Variants in DUOX1 observed in about 807,000 individuals in gnomAD.
The protein encoded by DUOX1 is dual oxidase 1.
DUOX1 carries 134 observed loss-of-function variants against 181.8 expected under a neutral mutation model. The ratio of observed to expected loss-of-function variants is 0.74; its 90% CI spans 0.64 to 0.85. The LOEUF (loss-of-function observed/expected upper bound fraction) is 0.85, where lower values mean the gene tolerates loss of function less well. DUOX1 is among the 40% of genes least tolerant of loss of function. DUOX1 has a pLI of 0.00. For synonymous variants in DUOX1, 798 were observed against 832.5 expected (o/e 0.96, Z 0.71); for missense variants, 1,814 against 2,064.4 (o/e 0.88, Z 2.35).
intron 27 of DUOX1, 105 bp downstream of exon 27, chr15:45,154,105 C>T (rs1282538948): frequency 4.4e-5 from 47 of 1,077,600 alleles, no homozygotes; most frequent in East Asian, 1.7e-4. Flanking sequence ...TCAGCTCTTC[C>T]GGTGACCCAG....
intron 20 of DUOX1, 55 bp from the exon 21 acceptor site, chr15:45,148,217 T>C: frequency 6.2e-7 from 1 of 1,610,630 alleles, no homozygotes; most frequent in South Asian, 1.1e-5. Context: ...GTGTGTCCTG[T>C]GTCTGGGTCG....
Position 45,139,054 on chromosome 15 carries a change from C to A in DUOX1, c.1114-12C>A. On this transcript the variant is annotated splice_polypyrimidine_tract_variant and intron_variant, in intron 10 of 33. Coordinates refer to ENST00000389037, the MANE Select transcript of DUOX1 (RefSeq NM_175940.3). ...ACCACACCCCTTTCCTCCCCACCCC[C>A]AACCTATAAAGCACCCAAGCCTACA... 1.9e-6 allele frequency: 3 copies of A among 1,611,752 alleles called. No homozygotes were observed. The highest frequency in any genetic ancestry group is 1.1e-5 in the South Asian group (1 of 90,606).
intron 2 of DUOX1, 148 bp downstream of exon 2, chr15:45,132,172 C>G (rs1896175005): frequency 9.2e-6 from 6 of 652,946 alleles, no homozygotes; most frequent in Non-Finnish European, 1.5e-5. Context: ...TTGCTCATTT[C>G]TAGCTGTTGA....
chr15:45,147,646 G>T lies in DUOX1; in HGVS notation c.2536G>T (p.Val846Phe). The part of the protein sequence containing the change: ...SFREFLDILV[V>F]FMKGSPEEKS... Reference sequence around the variant, plus strand: ...CCGAGAGTTCCTGGACATCCTGGTGGTCTTCATGAAAGGTGAGGGAGGAGG... The same window carrying T: ...CCGAGAGTTCCTGGACATCCTGGTGTTCTTCATGAAAGGTGAGGGAGGAGG... The change falls in exon 19 of 34, where the codon GTC (valine) becomes TTC (phenylalanine). Residue 846 changes from valine (V) to phenylalanine (F), a missense_variant. By Grantham distance (50) the Val-to-Phe change is conservative. This residue lies in a region of DUOX1 where 1,064 missense variants were observed against 1,152.9 expected (regional missense o/e 0.92). Coordinates refer to ENST00000389037, the MANE Select transcript of DUOX1 (RefSeq NM_175940.3). 1 of 1,614,184 alleles carries T rather than the reference G, an allele frequency of 6.2e-7. No individual in the cohort carries two copies. Among genetic ancestry groups the T allele is most frequent in the Non-Finnish European group, 8.5e-7 (1 of 1,180,030 alleles).
At chr15:45,164,433 A>G (rs1897178949) in intron 33 of DUOX1, among the ~76,000 whole-genome samples, 1 of 151,886 alleles carries the variant, frequency 6.6e-6, no homozygotes, top group Non-Finnish European at 1.5e-5. Context: ...CACCATGCAT[A>G]GTACAAAGCA....
chr15:45,157,776 G>C (rs941767287), intron 28 of DUOX1, among the ~76,000 whole-genome samples: 3 of 150,668 alleles, frequency 2.0e-5, no homozygotes, highest in African/African-American at 7.3e-5. Flanking sequence ...CCGAGATCAT[G>C]CCATTACACT....
At chr15:45,161,672 G>A in intron 29 of DUOX1, 66 bp from the exon 30 acceptor site, 1 of 1,420,082 alleles carries the variant, frequency 7.0e-7, no homozygotes, top group South Asian at 1.2e-5. Flanking sequence ...TGGGTGGGGA[G>A]CTCTCTGGAG....
chr15:45,164,858 G>A lies in DUOX1; in HGVS notation c.4613G>A (p.Arg1538Lys). The A allele has an allele frequency of 6.2e-7, 1 of 1,614,176 alleles. No homozygotes were observed. Among genetic ancestry groups the A allele is most frequent in the Non-Finnish European group, 8.5e-7 (1 of 1,180,020 alleles). ...NVEKACQLIN[R>K]QDRTHFSHHY... ...GAAAAGGCCTGTCAGCTCATCAACA[G>A]GCAGGACCGGACTCACTTCTCCCAC... The change falls in exon 34 of 34, where the codon AGG (arginine) becomes AAG (lysine). Residue 1538 changes from arginine (R) to lysine (K), a missense_variant. Physicochemically the swap from Arg to Lys is conservative, Grantham distance 26 (BLOSUM62 2). Coordinates refer to ENST00000389037, the MANE Select transcript of DUOX1 (RefSeq NM_175940.3).
intron 17 of DUOX1, 82 bp from the exon 18 acceptor site, chr15:45,144,812 GC>G: frequency 7.0e-7 from 1 of 1,427,658 alleles, no homozygotes; most frequent in Non-Finnish European, 9.5e-7. Context: ...CACCCCAGTG[GC>G]CCCTCTGACA....
rs759078829 is a variant in DUOX1, at chr15:45,164,826, G to C, written c.4581G>C (p.Lys1527Asn). Residue 1527 changes from lysine (K) to asparagine (N), a missense_variant, in exon 34 of 34, where the codon AAG becomes AAC. This residue lies in a region of DUOX1 where 124 missense variants were observed against 125.7 expected (regional missense o/e 0.99). Coordinates refer to ENST00000389037, the MANE Select transcript of DUOX1 (RefSeq NM_175940.3). ...VFSCGPPGMTKNVEKACQLIN... is the reference protein window; with the variant it reads ...VFSCGPPGMTNNVEKACQLIN... ...GCTGTGGCCCCCCTGGCATGACCAA[G>C]AATGTGGAAAAGGCCTGTCAGCTCA... 6.8e-6 allele frequency: 11 copies of C among 1,614,076 alleles called. No homozygotes were observed. The South Asian group carries it at 8.8e-5, about 13-fold the overall frequency.
chr15:45,139,729 G>C, intron 12 of DUOX1, 130 bp downstream of exon 12: 2 of 1,062,136 alleles, frequency 1.9e-6, no homozygotes, highest in South Asian at 1.8e-5. Flanking sequence ...GGCTTACCCA[G>C]ATCACTTTTC....
At position 45,130,072 on chromosome 15, in the gene DUOX1, C is replaced by G. The variant is rs956819532; in HGVS notation, c.-76C>G. The G allele has an allele frequency of 6.6e-6, 1 of 152,288 alleles. No homozygotes were observed. Among genetic ancestry groups the G allele is most frequent in the African/African-American group, 2.4e-5 (1 of 41,466 alleles). 9.4% of individuals were successfully genotyped at this position (152,288 alleles called of 1,614,324 possible). A position where few individuals can be genotyped will look rare whatever the true frequency, so the allele number is the denominator to read the frequency against. On this transcript the variant is annotated 5_prime_UTR_variant, in exon 1 of 34. Transcript: ENST00000389037. ...CCAGGCCGGAGACAAGTTGCAGTCC[C>G]GGGCTCTGGTGACGCCGTGGCCGCA...
At position 45,137,939 on chromosome 15, in the gene DUOX1, C is replaced by A; in HGVS notation, c.1038C>A (p.His346Gln). The A allele has an allele frequency of 6.2e-7, 1 of 1,607,018 alleles. No individual in the cohort carries two copies. The highest frequency in any genetic ancestry group is 8.5e-7 in the Non-Finnish European group (1 of 1,176,126). Residue 346 changes from histidine (H) to glutamine (Q), a missense_variant, in exon 10 of 34, where the codon CAC becomes CAA. Coordinates refer to ENST00000389037, the MANE Select transcript of DUOX1 (RefSeq NM_175940.3). ...TGCATTTCAGAAATGCCAGCTGCCA[C>A]TTCCAGGGGGTCATCAATCGGAACT... ...PGVYMRNASC[H>Q]FQGVINRNSS... is the part of the protein sequence containing the mutation.
chr15:45,134,113 A>G (rs771755991), intron 3 of DUOX1, 32 bp from the exon 4 acceptor site: 4 of 1,542,098 alleles, frequency 2.6e-6, no homozygotes, highest in Non-Finnish European at 3.5e-6. Flanking sequence ...CCCCCTGAAG[A>G]TTCATCCTTA....
intron 1 of DUOX1, among the ~76,000 whole-genome samples, chr15:45,130,981 C>T (rs1896117670): frequency 6.6e-6 from 1 of 152,202 alleles, no homozygotes. Flanking sequence ...TGATACTGAG[C>T]TTTCCAGTTA....
chr15:45,163,178 G>T (rs147669342), intron 31 of DUOX1, among the ~76,000 whole-genome samples: 81 of 152,336 alleles, frequency 5.3e-4, no homozygotes, highest in African/African-American at 1.9e-3. Flanking sequence ...GCTGCTCTGT[G>T]AAATGCCCTT....
chr15:45,148,941 T>C lies in DUOX1; in HGVS notation c.2818+494T>C, dbSNP rs199888876. 1.6e-4 allele frequency among the ~76,000 whole-genome samples: 24 copies of C among 152,112 alleles called. No individual in the cohort carries two copies. In the East Asian group the frequency reaches 4.6e-3, roughly 29 times the overall value. On this transcript the variant is annotated intron_variant, in intron 21 of 33. Coordinates refer to ENST00000389037, the MANE Select transcript of DUOX1 (RefSeq NM_175940.3). ...CTCTTGGGGTTTTTTTTTGCCACTA[T>C]ATCTCCTGGCTGAGTGCTCAGTAAA... is the stretch of plus-strand genomic sequence containing the variant.
rs2292467 is a variant in DUOX1 at position 45,165,260 on chromosome 15, G to T, written c.*359G>T. Reference sequence around the variant, plus strand: ...GCATGTCTGTATGTGTGTTGGGGCGGTGAGTGTAAGGATGCAGTGGGAGCA... The same window carrying T: ...GCATGTCTGTATGTGTGTTGGGGCGTTGAGTGTAAGGATGCAGTGGGAGCA... On this transcript the variant is annotated 3_prime_UTR_variant, in exon 34 of 34. Transcript: ENST00000389037. The T allele has an allele frequency of 0.32, 77,435 of 240,392 alleles. 13,177 individuals carry two copies. The highest frequency in any genetic ancestry group is 0.38 in the Admixed American group (6,937 of 18,486). 14.9% of individuals were successfully genotyped at this position (240,392 alleles called of 1,614,324 possible). A position where few individuals can be genotyped will look rare whatever the true frequency, so the allele number is the denominator to read the frequency against.
Position 45,139,053 on chromosome 15 carries a change from C to A in DUOX1, c.1114-13C>A, listed in dbSNP as rs565428228. 10 of 1,611,478 alleles carry A rather than the reference C, an allele frequency of 6.2e-6. No homozygotes were observed. The highest frequency in any genetic ancestry group is 8.5e-6 in the Non-Finnish European group (10 of 1,178,702). On this transcript the variant is annotated splice_polypyrimidine_tract_variant and intron_variant, in intron 10 of 33. Transcript: ENST00000389037. Reference sequence around the variant, plus strand: ...AACCACACCCCTTTCCTCCCCACCCCCAACCTATAAAGCACCCAAGCCTAC... The same window carrying A: ...AACCACACCCCTTTCCTCCCCACCCACAACCTATAAAGCACCCAAGCCTAC...
Sources: allele counts gnomAD v4.1 joint callset (sites outside exome capture counted in the v4.1 genomes callset), GRCh38; gene constraint gnomAD v4.1.1; regional missense constraint gnomAD v4.1.1; transcripts MANE v1.5; gene names NCBI Gene and HGNC (gene_info 2026-07-23, HGNC 2026-07-21).